PHYHD1: variants seen among roughly 807,000 people sequenced by gnomAD.
PHYHD1 encodes the protein phytanoyl-CoA dioxygenase domain containing 1, also known as phytanoyl-CoA dioxygenase domain-containing protein 1.
In PHYHD1, 42 loss-of-function variants were observed where a neutral mutation model predicts 43.6. The observed-to-expected ratio is 0.96, with a 90% CI of 0.75 to 1.25. PHYHD1 has a LOEUF of 1.25. Among genes scored for constraint, PHYHD1 ranks in the 50% most tolerant of loss-of-function variants. The pLI is 0.00. For synonymous variants in PHYHD1, 139 were observed against 143.6 expected, an observed-to-expected ratio of 0.97 and a Z score of 0.23; for missense variants, 342 against 370.8, an observed-to-expected ratio of 0.92 and a Z score of 0.64.
At chr9:128,939,918 G>A (rs1238648181) in intron 9 of PHYHD1, among the ~76,000 whole-genome samples, 1 of 151,854 alleles carries the variant, frequency 6.6e-6, no homozygotes, top group Non-Finnish European at 1.5e-5. Context: ...GCCTCCCAAA[G>A]TGCTGAGATT....
intron 2 of PHYHD1, 74 bp from the exon 3 acceptor site, chr9:128,922,209 G>A: frequency 7.8e-7 from 1 of 1,285,720 alleles, no homozygotes; most frequent in Non-Finnish European, 1.1e-6. Flanking sequence ...AGGGTTGGGT[G>A]GTGGGACCGG....
At chr9:128,940,178 A>G (rs527291260) in intron 9 of PHYHD1, among the ~76,000 whole-genome samples, 191 bp from the exon 10 acceptor site, 17 of 152,298 alleles carry the variant, frequency 1.1e-4, no homozygotes, top group African/African-American at 4.1e-4. Context: ...TTCACGGTTT[A>G]GGAAATTGAG....
Position 128,926,850 on chromosome 9 carries a change from C to G in PHYHD1, c.34-188C>G, listed in dbSNP as rs756732682. ...TGAGCCACTGCACCCGGCCTCACTA[C>G]TTGTTCTTCCATTCAAGCAGCCAAT... On this transcript the variant is annotated intron_variant, in intron 3 of 12. Coordinates refer to ENST00000372592, the MANE Select transcript of PHYHD1 (RefSeq NM_001100876.2). The G allele has an allele frequency of 3.6e-5, 28 of 769,604 alleles. 1 individual carries two copies. The highest frequency in any genetic ancestry group is 1.9e-4 in the South Asian group (13 of 68,634). The allele number at this position is 769,604 out of a possible 1,614,324, so 47.7% of individuals were successfully genotyped here.
At chr9:128,941,221 C>T (rs2131121763) in intron 11 of PHYHD1, among the ~76,000 whole-genome samples, 1 of 152,282 alleles carries the variant, frequency 6.6e-6, no homozygotes, top group East Asian at 1.9e-4. Flanking sequence ...CTTGCCAAGG[C>T]CACAGTCCAC....
intron 3 of PHYHD1, among the ~76,000 whole-genome samples, chr9:128,924,279 A>G (rs990794111): frequency 1.3e-5 from 2 of 149,642 alleles, no homozygotes; most frequent in Non-Finnish European, 3.0e-5. Flanking sequence ...TTAGCTGGGC[A>G]TGGTGGCGGG....
rs1194211408 is a variant in PHYHD1 at position 128,941,811 on chromosome 9, C to A, written c.*98C>A. On this transcript the variant is annotated 3_prime_UTR_variant, in exon 13 of 13. Transcript: ENST00000372592. ...AGCCTCCTGGTTGCAACAGGGAGGT[C>A]TTGTCTCCCCTCCTGGGCTTTCCTC... is the stretch of plus-strand genomic sequence containing the variant. The A allele has an allele frequency of 2.6e-6, 4 of 1,516,860 alleles. No homozygotes were observed. Among genetic ancestry groups the A allele is most frequent in the Non-Finnish European group, 2.7e-6 (3 of 1,097,948 alleles). 94.0% of individuals were successfully genotyped at this position (1,516,860 alleles called of 1,614,324 possible).
At chr9:128,941,347 A>G (rs1255527170) in intron 11 of PHYHD1, 98 bp from the exon 12 acceptor site, 2 of 1,516,932 alleles carry the variant, frequency 1.3e-6, no homozygotes, top group East Asian at 2.3e-5. Flanking sequence ...GATGGGGGCC[A>G]CAAAACCACT....
intron 6 of PHYHD1, among the ~76,000 whole-genome samples, 185 bp from the exon 7 acceptor site, chr9:128,936,263 C>T (rs1339086717): frequency 6.6e-6 from 1 of 151,772 alleles, no homozygotes; most frequent in Non-Finnish European, 1.5e-5. Context: ...GCATGGGTGG[C>T]ATAGGGCCTG....
intron 6 of PHYHD1, among the ~76,000 whole-genome samples, chr9:128,935,337 T>C (rs1424411842): frequency 1.3e-5 from 2 of 152,228 alleles, no homozygotes; most frequent in Non-Finnish European, 2.9e-5. Flanking sequence ...AGATTTACCA[T>C]ATCATTGCCG....
In PHYHD1 at chr9:128,942,016, A is replaced by C. The variant is rs1360323010; in HGVS notation, c.*303A>C. 1.3e-5 allele frequency: 6 copies of C among 470,034 alleles called. No individual in the cohort carries two copies. The highest frequency in any genetic ancestry group is 1.2e-4 in the African/African-American group (6 of 51,680). The allele number at this position is 470,034 out of a possible 1,614,324, so 29.1% of individuals were successfully genotyped here. On this transcript the variant is annotated 3_prime_UTR_variant, in exon 13 of 13. Coordinates refer to ENST00000372592, the MANE Select transcript of PHYHD1 (RefSeq NM_001100876.2). ...CTGGTTATTATGGTGTTAGTTATCG[A>C]ATAAAAACGACTTCAGAATGCAGCT...
intron 3 of PHYHD1, among the ~76,000 whole-genome samples, chr9:128,925,676 C>T (rs1262298135): frequency 6.6e-6 from 1 of 152,122 alleles, no homozygotes; most frequent in Admixed American, 6.6e-5. Flanking sequence ...CTTCCCCTCC[C>T]TGGCTGCCAC....
At chr9:128,936,735 C>G (rs1418551325) in intron 8 of PHYHD1, 90 bp downstream of exon 8, 2 of 1,375,618 alleles carry the variant, frequency 1.5e-6, no homozygotes. Flanking sequence ...CCAAAAGTTG[C>G]TGGAATTATT....
At position 128,941,986 on chromosome 9, in the gene PHYHD1, G is replaced by C; in HGVS notation, c.*273G>C. The C allele has an allele frequency of 7.6e-6, 4 of 526,490 alleles. No homozygotes were observed. In the South Asian group the frequency reaches 1.0e-4, roughly 14 times the overall value. 32.6% of individuals were successfully genotyped at this position (526,490 alleles called of 1,614,324 possible). On this transcript the variant is annotated 3_prime_UTR_variant, in exon 13 of 13. Transcript: ENST00000372592. ...TCTCACTCTCCTCTCCTCTCAGATG[G>C]AACTCTGGTTATTATGGTGTTAGTT...
chr9:128,936,697 C>G lies in PHYHD1; in HGVS notation c.435+52C>G, dbSNP rs1841432050. On this transcript the variant is annotated intron_variant, in intron 8 of 12. Coordinates refer to ENST00000372592, the MANE Select transcript of PHYHD1 (RefSeq NM_001100876.2). ...TACCATCTGTAAAATGGGCAGACTG[C>G]TCATACCAAGCCCTTCCTTACAATG... 3.9e-6 allele frequency: 6 copies of G among 1,533,460 alleles called. No individual in the cohort carries two copies. The South Asian group carries it at 6.0e-5, about 15-fold the overall frequency. The allele number at this position is 1,533,460 out of a possible 1,614,324, so 95.0% of individuals were successfully genotyped here.
At chr9:128,937,837 T>A (rs1841463895) in intron 9 of PHYHD1, 59 bp downstream of exon 9, 1 of 1,613,284 alleles carries the variant, frequency 6.2e-7, no homozygotes, top group Non-Finnish European at 8.5e-7. Flanking sequence ...AAGACAGCAA[T>A]GGTTCTCAGA....
intron 11 of PHYHD1, 74 bp downstream of exon 11, chr9:128,940,789 C>T: frequency 6.7e-7 from 1 of 1,490,064 alleles, no homozygotes; most frequent in Non-Finnish European, 9.2e-7. Flanking sequence ...ACCCAGCGTC[C>T]AAGAGGTTGC....
At chr9:128,927,938 G>A (rs924964209) in intron 4 of PHYHD1, among the ~76,000 whole-genome samples, 2 of 152,210 alleles carry the variant, frequency 1.3e-5, no homozygotes, top group African/African-American at 2.4e-5. Flanking sequence ...TCTCCCCCCA[G>A]TGACCGAATA....
intron 10 of PHYHD1, 39 bp downstream of exon 10, chr9:128,940,536 C>T (rs1564543525): frequency 1.9e-6 from 3 of 1,613,784 alleles, no homozygotes; most frequent in African/African-American, 1.3e-5. Flanking sequence ...TGGGACTCCC[C>T]ACCCCCTAGG....
chr9:128,932,151 ATTATTATTATTATTATTG>A (rs1193726440), intron 4 of PHYHD1, among the ~76,000 whole-genome samples: 12 of 105,072 alleles, frequency 1.1e-4, no homozygotes, highest in African/African-American at 3.8e-4. Flanking sequence ...AGTCAGTTCT[ATTATTATTATTATTATTG>A]TTATTATTAT....
Sources: gnomAD v4.1 joint callset for allele counts (sites outside exome capture counted in the v4.1 genomes callset) on GRCh38, gnomAD v4.1.1 for gene constraint, MANE v1.5 for transcripts, NCBI Gene and HGNC (gene_info 2026-07-23, HGNC 2026-07-21) for gene names.